The following DUSP22 variants were observed in gnomAD, a reference collection of about 807,000 sequenced individuals.
The protein encoded by DUSP22 is dual specificity phosphatase 22, also known as dual specificity protein phosphatase 22.
A neutral mutation model predicts 24.5 loss-of-function variants in DUSP22; 24 were observed. The observed-to-expected ratio is 0.98, with a 90% CI of 0.71 to 1.38. The LOEUF (loss-of-function observed/expected upper bound fraction) is 1.38, where lower values mean the gene tolerates loss of function less well. DUSP22 is among the 40% of genes most tolerant of loss of function. The pLI is 0.00. For synonymous variants in DUSP22, 160 were observed against 106.4 expected (o/e 1.50, Z -3.10); for missense variants, 330 against 269.2 (o/e 1.23, Z -1.58).
intron 2 of DUSP22, among the ~76,000 whole-genome samples, chr6:305,887 C>G (rs1041163292): frequency 6.6e-6 from 1 of 152,308 alleles, no homozygotes; most frequent in Admixed American, 6.5e-5. Context: ...CTGGATGTTG[C>G]TGAAATTTCT....
chr6:317,105 T>A (rs1483929496), intron 3 of DUSP22, among the ~76,000 whole-genome samples: 4 of 152,308 alleles, frequency 2.6e-5, no homozygotes, highest in Non-Finnish European at 4.4e-5. Context: ...CTTGTGTTAG[T>A]TTTGTTTGTA....
chr6:327,550 G>A (rs545900933), intron 3 of DUSP22, among the ~76,000 whole-genome samples: 45 of 152,418 alleles, frequency 3.0e-4, no homozygotes, highest in East Asian at 1.9e-3. Flanking sequence ...GACCACAGCC[G>A]TGGGAGTTCG....
intron 4 of DUSP22, among the ~76,000 whole-genome samples, chr6:344,304 G>T (rs1042062340): frequency 1.3e-5 from 2 of 152,302 alleles, no homozygotes; most frequent in African/African-American, 4.8e-5. Flanking sequence ...TTTATTTATT[G>T]AGACAGGGTC....
At chr6:309,472 A>G (rs1757966804) in intron 2 of DUSP22, among the ~76,000 whole-genome samples, 1 of 152,306 alleles carries the variant, frequency 6.6e-6, no homozygotes, top group African/African-American at 2.4e-5. Context: ...GAGAGGTTGG[A>G]GCAATGAAAA....
intron 1 of DUSP22, among the ~76,000 whole-genome samples, chr6:298,408 C>G (rs1275757589): frequency 2.6e-5 from 4 of 152,302 alleles, no homozygotes; most frequent in Non-Finnish European, 5.9e-5. Context: ...CACACATGGC[C>G]TTGGGCAGCT....
chr6:302,744 G>T (rs1757641667), intron 1 of DUSP22, among the ~76,000 whole-genome samples: 1 of 152,308 alleles, frequency 6.6e-6, no homozygotes, highest in African/African-American at 2.4e-5. Flanking sequence ...AGTCACTGCT[G>T]TAAAAAGTGA....
intron 5 of DUSP22, among the ~76,000 whole-genome samples, chr6:346,712 C>T (rs1462912554): frequency 1.3e-5 from 2 of 152,304 alleles, no homozygotes; most frequent in Admixed American, 6.5e-5. Flanking sequence ...TATTAATTAA[C>T]TGGAAGCCTA....
At chr6:292,582 G>T (rs770925813) in intron 1 of DUSP22, 22 bp downstream of exon 1, 2 of 1,592,484 alleles carry the variant, frequency 1.3e-6, no homozygotes, top group Non-Finnish European at 1.7e-6. Flanking sequence ...CCTCGTTCGC[G>T]CTGGGTTTGC....
intron 3 of DUSP22, among the ~76,000 whole-genome samples, chr6:319,714 AG>A (rs1470533074): frequency 1.3e-5 from 2 of 152,312 alleles, no homozygotes; most frequent in East Asian, 1.9e-4. Flanking sequence ...TTTGAAAACC[AG>A]TTGCTGTTTG....
At chr6:330,188 G>A (rs1232035506) in intron 3 of DUSP22, among the ~76,000 whole-genome samples, 2 of 152,396 alleles carry the variant, frequency 1.3e-5, no homozygotes, top group Admixed American at 6.5e-5. Flanking sequence ...ATGAGAAACC[G>A]GGGCTTCTAG....
At chr6:348,701 T>G in intron 6 of DUSP22, 68 bp from the exon 7 acceptor site, 2 of 1,600,800 alleles carry the variant, frequency 1.2e-6, no homozygotes, top group Non-Finnish European at 1.7e-6. Flanking sequence ...AAGTCACAGG[T>G]GCAAGCCCAC....
chr6:293,910 G>C (rs1454866408), intron 1 of DUSP22, among the ~76,000 whole-genome samples: 1 of 148,968 alleles, frequency 6.7e-6, no homozygotes, highest in African/African-American at 2.5e-5. Flanking sequence ...TCAGCACCAC[G>C]AGCCTTCTGC....
At chr6:331,158 G>A (rs1222041685) in intron 3 of DUSP22, among the ~76,000 whole-genome samples, 14 of 152,298 alleles carry the variant, frequency 9.2e-5, no homozygotes, top group South Asian at 6.2e-4. Context: ...TTGAAGCACC[G>A]TAACTTGACG....
intron 3 of DUSP22, among the ~76,000 whole-genome samples, chr6:322,685 C>G (rs568080188): frequency 7.2e-5 from 11 of 152,296 alleles, no homozygotes; most frequent in Non-Finnish European, 5.9e-5. Context: ...AGAGCATCCA[C>G]GGAGGGAAAG....
At chr6:322,589 C>T (rs1389539604) in intron 3 of DUSP22, among the ~76,000 whole-genome samples, 2 of 152,312 alleles carry the variant, frequency 1.3e-5, no homozygotes, top group African/African-American at 4.8e-5. Flanking sequence ...GTCTGAAATG[C>T]TTTCAGAGGA....
Position 350,138 on chromosome 6 carries a change from C to T in DUSP22, c.*1187C>T. The stretch of plus-strand genomic sequence containing the variant: ...AGGTGTTTTTTGGTATGCAAGTCAG[C>T]TTTGCCTCACAGTTGAAAATGTTCG... On this transcript the variant is annotated 3_prime_UTR_variant, in exon 7 of 7. Coordinates refer to ENST00000419235, the MANE Select transcript of DUSP22 (RefSeq NM_001286555.3). 1.0e-6 allele frequency: 1 copy of T among 986,132 alleles called. No homozygotes were observed. Among genetic ancestry groups the T allele is most frequent in the Non-Finnish European group, 1.2e-6 (1 of 830,430 alleles). 61.1% of individuals were successfully genotyped at this position (986,132 alleles called of 1,614,324 possible).
intron 1 of DUSP22, among the ~76,000 whole-genome samples, chr6:295,126 C>T (rs1358716311): frequency 2.0e-5 from 3 of 152,280 alleles, no homozygotes; most frequent in African/African-American, 7.2e-5. Context: ...GAAGGTGCTA[C>T]CCCTAGAAAT....
intron 1 of DUSP22, among the ~76,000 whole-genome samples, chr6:303,174 C>T (rs533237050): frequency 6.6e-6 from 1 of 152,424 alleles, no homozygotes; most frequent in African/African-American, 2.4e-5. Context: ...CAGCAAAGCT[C>T]TGTGCAGTCA....
At chr6:300,782 A>G (rs1388170389) in intron 1 of DUSP22, among the ~76,000 whole-genome samples, 2 of 152,284 alleles carry the variant, frequency 1.3e-5, no homozygotes, top group African/African-American at 2.4e-5. Context: ...TTGAAAGCCC[A>G]CATCAGGGTC....
Sources: gnomAD v4.1 joint callset for allele counts (sites outside exome capture counted in the v4.1 genomes callset) on GRCh38, gnomAD v4.1.1 for gene constraint, MANE v1.5 for transcripts, NCBI Gene and HGNC (gene_info 2026-07-23, HGNC 2026-07-21) for gene names.